Variants in PHF20 observed in about 807,000 individuals in gnomAD.
The protein encoded by PHF20 is PHD finger protein 20.
Under a neutral mutation model 113.5 loss-of-function variants are expected in PHF20, and 23 were observed. The ratio of observed to expected loss-of-function variants is 0.20; its 90% CI spans 0.15 to 0.29. PHF20 has a LOEUF of 0.29. PHF20 is among the 10% of genes least tolerant of loss of function. The pLI, the probability that PHF20 is intolerant of heterozygous loss-of-function variation, is 1.00. For synonymous variants in PHF20, 434 were observed against 457.3 expected (o/e 0.95, Z 0.65); for missense variants, 943 against 1,219.6 (o/e 0.77, Z 3.38).
At chr20:35,883,427 G>A (rs1704550409) in intron 9 of PHF20, among the ~76,000 whole-genome samples, 1 of 152,082 alleles carries the variant, frequency 6.6e-6, no homozygotes, top group African/African-American at 2.4e-5. Context: ...GTATTGTAGA[G>A]GTTGGTAAAA....
At position 35,923,049 on chromosome 20, in the gene PHF20, A is replaced by G. The variant is rs937686044; in HGVS notation, c.2005-4731A>G. Among the ~76,000 whole-genome samples, 37 of 152,246 alleles carry G rather than the reference A, an allele frequency of 2.4e-4. 1 individual carries two copies. Among genetic ancestry groups the G allele is most frequent in the Admixed American group, 2.4e-3 (37 of 15,284 alleles). Reference sequence around the variant, plus strand: ...TGGATCACTTAAGCCTGGGCAGTCAAGGCTGCAGGGAGATGAGATTGTACC... The same window carrying G: ...TGGATCACTTAAGCCTGGGCAGTCAGGGCTGCAGGGAGATGAGATTGTACC... On this transcript the variant is annotated intron_variant, in intron 13 of 17. Coordinates refer to ENST00000374012, the MANE Select transcript of PHF20 (RefSeq NM_016436.5).
At chr20:35,879,458 G>A (rs1243706362) in intron 9 of PHF20, among the ~76,000 whole-genome samples, 1 of 152,098 alleles carries the variant, frequency 6.6e-6, no homozygotes, top group Non-Finnish European at 1.5e-5. Flanking sequence ...TCATGCAAAG[G>A]TAAATGAACA....
intron 9 of PHF20, among the ~76,000 whole-genome samples, chr20:35,886,998 C>A (rs1461197436): frequency 6.6e-6 from 1 of 152,140 alleles, no homozygotes; most frequent in Non-Finnish European, 1.5e-5. Context: ...CTGAGCATTG[C>A]CAGCCAGACG....
chr20:35,877,815 C>T (rs2054559080), intron 9 of PHF20, among the ~76,000 whole-genome samples: 5 of 152,136 alleles, frequency 3.3e-5, no homozygotes, highest in Admixed American at 2.0e-4. Flanking sequence ...TTACTAAATA[C>T]CTGGTAGAAG....
intron 3 of PHF20, 55 bp from the exon 4 acceptor site, chr20:35,847,295 G>A (rs2042641481): frequency 8.4e-7 from 1 of 1,192,374 alleles, no homozygotes; most frequent in Non-Finnish European, 1.2e-6. Flanking sequence ...TGTCCTGTAT[G>A]TCCTGTGAAA....
At chr20:35,924,972 A>G (rs1317240896) in intron 13 of PHF20, among the ~76,000 whole-genome samples, 2 of 152,130 alleles carry the variant, frequency 1.3e-5, no homozygotes, top group Non-Finnish European at 2.9e-5. Context: ...AGTGAGAACT[A>G]TGGCTCCCCA....
intron 2 of PHF20, among the ~76,000 whole-genome samples, chr20:35,815,231 A>G (rs1310091273): frequency 1.3e-5 from 2 of 152,042 alleles, no homozygotes; most frequent in Non-Finnish European, 1.5e-5. Context: ...AAATAAATAG[A>G]TGAAACAAAA....
chr20:35,949,634 G>T lies in PHF20; in HGVS notation c.*2007G>T, dbSNP rs2056143309. 6.6e-6 allele frequency: 1 copy of T among 152,634 alleles called. No homozygotes were observed. The highest frequency in any genetic ancestry group is 2.4e-5 in the African/African-American group (1 of 41,460). The allele number at this position is 152,634 out of a possible 1,614,324, so 9.5% of individuals were successfully genotyped here. A position where few individuals can be genotyped will look rare whatever the true frequency, so the allele number is the denominator to read the frequency against. ...CTCCCCAAGTTCTTATAACCTCATTGTGCTTCCCTAATTTAAAGCCATGTT... is the reference window on the plus strand; with the variant it reads ...CTCCCCAAGTTCTTATAACCTCATTTTGCTTCCCTAATTTAAAGCCATGTT... On this transcript the variant is annotated 3_prime_UTR_variant, in exon 18 of 18. Coordinates refer to ENST00000374012, the MANE Select transcript of PHF20 (RefSeq NM_016436.5).
At chr20:35,832,822 G>C (rs1000876241) in intron 2 of PHF20, among the ~76,000 whole-genome samples, 3 of 152,120 alleles carry the variant, frequency 2.0e-5, no homozygotes, top group African/African-American at 7.2e-5. Context: ...GGCCAAGGCA[G>C]GTGGATCACG....
intron 10 of PHF20, 84 bp downstream of exon 10, chr20:35,899,732 C>T: frequency 7.1e-7 from 1 of 1,413,288 alleles, no homozygotes. Context: ...ACAAAGCAGG[C>T]ATTAGGTTTG....
In PHF20 at chr20:35,950,260, T is replaced by C. The variant is rs569137463; in HGVS notation, c.*2633T>C. 6.5e-6 allele frequency: 1 copy of C among 152,786 alleles called. No individual in the cohort carries two copies. Among genetic ancestry groups the C allele is most frequent in the Admixed American group, 6.5e-5 (1 of 15,296 alleles). The allele number at this position is 152,786 out of a possible 1,614,324, so 9.5% of individuals were successfully genotyped here. On this transcript the variant is annotated 3_prime_UTR_variant, in exon 18 of 18. Coordinates refer to ENST00000374012, the MANE Select transcript of PHF20 (RefSeq NM_016436.5). ...TGGATACATATCTATGTTTACGCGC[T>C]ATTAGAACAGAAGGCGCTGTATATA...
intron 2 of PHF20, among the ~76,000 whole-genome samples, chr20:35,804,093 A>G (rs2041836591): frequency 6.6e-6 from 1 of 151,768 alleles, no homozygotes; most frequent in Non-Finnish European, 1.5e-5. Context: ...TTATTTATTT[A>G]TGATGGAGTC....
intron 2 of PHF20, among the ~76,000 whole-genome samples, chr20:35,826,287 G>T (rs1600790818): frequency 6.6e-6 from 1 of 152,088 alleles, no homozygotes; most frequent in Non-Finnish European, 1.5e-5. Context: ...CAGGTGATCT[G>T]CCCGCGTCGG....
rs545153094 is a variant in PHF20 at position 35,789,998 on chromosome 20, G to T, written c.-32-11493G>T. 1.8e-4 allele frequency among the ~76,000 whole-genome samples: 27 copies of T among 152,082 alleles called. No homozygotes were observed. In the South Asian group the frequency reaches 5.4e-3, roughly 30 times the overall value. On this transcript the variant is annotated intron_variant, in intron 1 of 17. Transcript: ENST00000374012. ...GCCTCCTGAGTAGCTGGGATTACAG[G>T]CGTCTGCCACCATCCCCAGCTGATT... is the stretch of plus-strand genomic sequence containing the variant.
chr20:35,864,407 A>AACAC (rs376477234), intron 6 of PHF20, among the ~76,000 whole-genome samples: 13,473 of 132,306 alleles, frequency 0.1, 852 homozygotes, highest in African/African-American at 0.18. Flanking sequence ...CCCATCTCAA[A>AACAC]ACACACACAC....
At chr20:35,797,442 A>G (rs2041687629) in intron 1 of PHF20, among the ~76,000 whole-genome samples, 1 of 149,012 alleles carries the variant, frequency 6.7e-6, no homozygotes, top group African/African-American at 2.5e-5. Flanking sequence ...TGAGCCTAGG[A>G]GGCGGAGGTT....
At chr20:35,944,536 G>A (rs2056051435) in intron 17 of PHF20, among the ~76,000 whole-genome samples, 1 of 152,170 alleles carries the variant, frequency 6.6e-6, no homozygotes, top group South Asian at 2.1e-4. Flanking sequence ...GACCCATCCA[G>A]TCCTGACTGC....
intron 15 of PHF20, among the ~76,000 whole-genome samples, chr20:35,934,513 A>G (rs1255161909): frequency 6.6e-6 from 1 of 152,120 alleles, no homozygotes; most frequent in African/African-American, 2.4e-5. Flanking sequence ...CCTTATCTGC[A>G]TGGTCTTAGG....
rs1009832712 is a variant in PHF20 at position 35,789,228 on chromosome 20, C to T, written c.-32-12263C>T. ...ACCTGGTCAGGAGTTCGAGACCACC[C>T]TGGCCAACATGGTGAAACTAGAGAC... On this transcript the variant is annotated intron_variant, in intron 1 of 17. Transcript: ENST00000374012. Among the ~76,000 whole-genome samples the T allele has an allele frequency of 3.3e-5, 5 of 152,022 alleles. No individual in the cohort carries two copies. The East Asian group carries it at 5.8e-4, about 18-fold the overall frequency.
Sources: allele counts gnomAD v4.1 joint callset (sites outside exome capture counted in the v4.1 genomes callset), GRCh38; gene constraint gnomAD v4.1.1; transcripts MANE v1.5; gene names NCBI Gene and HGNC (gene_info 2026-07-23, HGNC 2026-07-21).